PDE4B: variants seen among roughly 807,000 people sequenced by gnomAD.
The protein encoded by PDE4B is 3',5'-cyclic-AMP phosphodiesterase 4B.
A neutral mutation model predicts 82.2 loss-of-function variants in PDE4B; 20 were observed. The ratio of observed to expected loss-of-function variants is 0.24; its 90% confidence interval spans 0.17 to 0.35. PDE4B has a LOEUF of 0.35. Among genes scored for constraint, PDE4B ranks in the 10% least tolerant of loss-of-function variants. PDE4B has a pLI of 1.00. For synonymous variants in PDE4B, 320 were observed against 318.9 expected, an observed-to-expected ratio of 1.00 and a Z score of -0.04; for missense variants, 655 against 907.2, an observed-to-expected ratio of 0.72 and a Z score of 3.57.
intron 1 of PDE4B, among the ~76,000 whole-genome samples, chr1:65,836,324 G>T (rs1212749961): frequency 6.6e-6 from 1 of 152,062 alleles, no homozygotes; most frequent in Non-Finnish European, 1.5e-5. Context: ...CCTATACATG[G>T]TCATCTCTAC....
intron 3 of PDE4B, among the ~76,000 whole-genome samples, chr1:65,961,110 T>C (rs1649522540): frequency 1.3e-5 from 2 of 152,110 alleles, no homozygotes; most frequent in Admixed American, 1.3e-4. Flanking sequence ...CATATGTGGA[T>C]CACACATAGG....
chr1:65,856,703 G>A (rs566223732), intron 1 of PDE4B, among the ~76,000 whole-genome samples: 1 of 152,146 alleles, frequency 6.6e-6, no homozygotes, highest in Non-Finnish European at 1.5e-5. Context: ...CTCAGTAAGG[G>A]GATTGCTTGG....
At chr1:65,960,442 T>G (rs548123330) in intron 3 of PDE4B, among the ~76,000 whole-genome samples, 3 of 152,008 alleles carry the variant, frequency 2.0e-5, no homozygotes, top group Non-Finnish European at 4.4e-5. Flanking sequence ...AGGTTGAAAG[T>G]TTTTTATTCT....
chr1:66,121,094 C>A (rs1210843475), intron 3 of PDE4B, among the ~76,000 whole-genome samples: 2 of 152,000 alleles, frequency 1.3e-5, no homozygotes, highest in Non-Finnish European at 2.9e-5. Context: ...AAGGATAGAC[C>A]AGAAAATAGT....
chr1:65,831,910 G>A (rs7514860), intron 1 of PDE4B, among the ~76,000 whole-genome samples: 149,413 of 152,296 alleles, frequency 0.98, 73,373 homozygotes, highest in Middle Eastern at 1. Context: ...AGTATTTACT[G>A]TATGTTAGAA....
chr1:65,891,952 A>T (rs1237653147), intron 1 of PDE4B, among the ~76,000 whole-genome samples: 1 of 152,090 alleles, frequency 6.6e-6, no homozygotes, highest in Admixed American at 6.6e-5. Context: ...ATGTGATCTG[A>T]TAATCTCCTT....
intron 3 of PDE4B, among the ~76,000 whole-genome samples, chr1:65,984,851 G>A (rs539939006): frequency 9.2e-5 from 14 of 152,128 alleles, no homozygotes; most frequent in South Asian, 2.1e-4. Context: ...TCAAGCCTTT[G>A]ATTTTACATA....
rs775201287 is a variant in PDE4B, at chr1:66,332,532, T to G, written c.659T>G (p.Met220Arg). 3 of 1,614,112 alleles carry G rather than the reference T, an allele frequency of 1.9e-6. No homozygotes were observed. Among genetic ancestry groups the G allele is most frequent in the Non-Finnish European group, 2.5e-6 (3 of 1,180,004 alleles). ...GAAGAATCTTATCAAAAATTAGCAA[T>G]GGAAACGCTGGAGGAATTAGACTGG... ...PQEESYQKLA[M>R]ETLEELDWCL... is the part of the protein sequence containing the mutation. The change falls in exon 8 of 17, where the codon ATG becomes AGG. Residue 220 changes from methionine to arginine, a missense_variant. Met to Arg is a moderately conservative substitution (Grantham distance 91). Transcript: ENST00000341517.
chr1:66,075,357 A>T lies in PDE4B; in HGVS notation c.281+156522A>T, dbSNP rs1007015363. Among the ~76,000 whole-genome samples, 4 of 152,070 alleles carry T rather than the reference A, an allele frequency of 2.6e-5. No homozygotes were observed. The South Asian group carries it at 6.2e-4, about 24-fold the overall frequency. On this transcript the variant is annotated intron_variant, in intron 3 of 16. Coordinates refer to ENST00000341517, the MANE Select transcript of PDE4B (RefSeq NM_002600.4). ...TTAAAATGCATTGGGTGTATGCCAG[A>T]GAGTATCATTATTGCTGGGTCATAT... is the stretch of plus-strand genomic sequence containing the variant.
At chr1:66,139,733 C>T (rs1261942638) in intron 3 of PDE4B, among the ~76,000 whole-genome samples, 1 of 104,402 alleles carries the variant, frequency 9.6e-6, no homozygotes, top group African/African-American at 4.2e-5. Context: ...CCCCTCCCCC[C>T]TCAAAAAAAA....
At chr1:66,182,158 G>A (rs187288960) in intron 3 of PDE4B, among the ~76,000 whole-genome samples, 16 of 152,126 alleles carry the variant, frequency 1.1e-4, no homozygotes, top group Admixed American at 7.2e-4. Context: ...ATGTTAATTC[G>A]CAGAGCACTA....
intron 8 of PDE4B, among the ~76,000 whole-genome samples, chr1:66,343,070 AC>A (rs928183151): frequency 5.3e-5 from 8 of 151,036 alleles, no homozygotes; most frequent in African/African-American, 1.9e-4. Flanking sequence ...AAAAACAACA[AC>A]AAAAAAAAAC....
At chr1:66,176,056 T>C (rs146136126) in intron 3 of PDE4B, among the ~76,000 whole-genome samples, 1 of 152,310 alleles carries the variant, frequency 6.6e-6, no homozygotes, top group African/African-American at 2.4e-5. Flanking sequence ...GCTCAGGCTA[T>C]CAGTTCAGTA....
chr1:65,878,481 C>G (rs1018702982), intron 1 of PDE4B, among the ~76,000 whole-genome samples: 1 of 152,170 alleles, frequency 6.6e-6, no homozygotes, highest in Admixed American at 6.5e-5. Flanking sequence ...GGAACCCACC[C>G]AAATGCCCAT....
At chr1:65,870,333 A>G (rs1025101113) in intron 1 of PDE4B, among the ~76,000 whole-genome samples, 5 of 152,180 alleles carry the variant, frequency 3.3e-5, no homozygotes, top group South Asian at 4.1e-4. Flanking sequence ...ACTATTGAGC[A>G]TAAAGTGTAT....
Position 66,367,703 on chromosome 1 carries a change from A to G in PDE4B, c.1392A>G (p.Glu464=), listed in dbSNP as rs144798451. Residue 464 remains glutamate, a synonymous_variant, in exon 14 of 17, where the codon GAA becomes GAG. Transcript: ENST00000341517. ...SNQFLINTNS[E]LALMYNDESV... ...TTTGGTCTGATTTATTAGATTCAGA[A>G]CTTGCTTTGATGTATAATGATGAAT... 6.2e-7 allele frequency: 1 copy of G among 1,609,272 alleles called. No homozygotes were observed. The highest frequency in any genetic ancestry group is 8.5e-7 in the Non-Finnish European group (1 of 1,177,978).
intron 7 of PDE4B, among the ~76,000 whole-genome samples, chr1:66,290,773 G>A (rs184035183): frequency 3.9e-5 from 6 of 152,176 alleles, no homozygotes; most frequent in African/African-American, 1.4e-4. Context: ...GCTGCCTTGG[G>A]GACTTGGCCA....
At chr1:65,986,049 C>G (rs1447012178) in intron 3 of PDE4B, among the ~76,000 whole-genome samples, 1 of 151,982 alleles carries the variant, frequency 6.6e-6, no homozygotes, top group Admixed American at 6.6e-5. Context: ...TCTGTAAGCT[C>G]AAGTATAAAA....
At chr1:66,158,804 T>A (rs1010751267) in intron 3 of PDE4B, among the ~76,000 whole-genome samples, 1 of 152,092 alleles carries the variant, frequency 6.6e-6, no homozygotes, top group Non-Finnish European at 1.5e-5. Flanking sequence ...GTGGTTGAAC[T>A]TGGAGGACAT....
Sources: allele counts gnomAD v4.1 joint callset (sites outside exome capture counted in the v4.1 genomes callset), GRCh38; gene constraint gnomAD v4.1.1; transcripts MANE v1.5; gene names NCBI Gene and HGNC (gene_info 2026-07-23, HGNC 2026-07-21).